CFAP161: variants seen among roughly 807,000 people sequenced by gnomAD.
CFAP161 encodes the protein cilia- and flagella-associated protein 161.
Under a neutral mutation model 29.0 loss-of-function variants are expected in CFAP161, and 25 were observed. The ratio of observed to expected loss-of-function variants is 0.86; its 90% CI spans 0.63 to 1.20. The LOEUF (loss-of-function observed/expected upper bound fraction) is 1.20, where lower values mean the gene tolerates loss of function less well. Among genes scored for constraint, CFAP161 ranks in the 50% most tolerant of loss-of-function variants. The pLI, the probability that CFAP161 is intolerant of heterozygous loss-of-function variation, is 0.00. For missense variants in CFAP161, 367 were observed against 371.9 expected (o/e 0.99, Z 0.11); for synonymous variants, 116 against 137.4 (o/e 0.84, Z 1.09).
At chr15:81,106,427 C>G (rs182337244) in intron 1 of CFAP161, among the ~76,000 whole-genome samples, 154 of 152,286 alleles carry the variant, frequency 1.0e-3, no homozygotes, top group Non-Finnish European at 1.4e-3. Flanking sequence ...ACCTCGGCCT[C>G]CCAAAGTGCT....
At chr15:81,106,449 C>T (rs187048361) in intron 1 of CFAP161, among the ~76,000 whole-genome samples, 2 of 152,252 alleles carry the variant, frequency 1.3e-5, no homozygotes, top group African/African-American at 4.8e-5. Context: ...GGATTACAGG[C>T]ATGAGCCACC....
chr15:81,140,746 A>T (rs562673901), intron 4 of CFAP161, among the ~76,000 whole-genome samples: 165 of 151,508 alleles, frequency 1.1e-3, no homozygotes, highest in African/African-American at 3.8e-3. Context: ...TTTATTTATT[A>T]TTTATTTATT....
At chr15:81,105,163 T>TCCGTC (rs1246992229) in intron 1 of CFAP161, among the ~76,000 whole-genome samples, 3 of 33,140 alleles carry the variant, frequency 9.1e-5, no homozygotes, top group Admixed American at 3.7e-4. Flanking sequence ...CTCCCTCCCT[T>TCCGTC]CCTTCCTCCC....
At chr15:81,124,083 G>A (rs1477387633) in intron 1 of CFAP161, among the ~76,000 whole-genome samples, 6 of 152,148 alleles carry the variant, frequency 3.9e-5, no homozygotes, top group Non-Finnish European at 5.9e-5. Flanking sequence ...ATGTTGAATA[G>A]CAGTGGTGAG....
intron 1 of CFAP161, among the ~76,000 whole-genome samples, chr15:81,122,302 A>G (rs1339106169): frequency 6.6e-6 from 1 of 152,118 alleles, no homozygotes; most frequent in Non-Finnish European, 1.5e-5. Context: ...GCCTTCTACA[A>G]TGGTTGAACT....
At chr15:81,135,986 G>C (rs903231549) in intron 2 of CFAP161, among the ~76,000 whole-genome samples, 1 of 152,208 alleles carries the variant, frequency 6.6e-6, no homozygotes, top group Admixed American at 6.5e-5. Flanking sequence ...TATGTTTATT[G>C]AGACCGGTAA....
chr15:81,136,851 T>G (rs1022016956), intron 3 of CFAP161, 103 bp downstream of exon 3: 1 of 939,830 alleles, frequency 1.1e-6, no homozygotes, highest in Admixed American at 2.7e-5. Flanking sequence ...GGAAAGGTTT[T>G]GTGAACATTT....
intron 1 of CFAP161, among the ~76,000 whole-genome samples, chr15:81,104,677 A>G (rs1894340527): frequency 6.6e-6 from 1 of 152,188 alleles, no homozygotes; most frequent in African/African-American, 2.4e-5. Context: ...AGTTATTCCA[A>G]TCTGAAAGTG....
At position 81,143,834 on chromosome 15, in the gene CFAP161, C is replaced by T. The variant is rs376758712; in HGVS notation, c.636+14C>T. On this transcript the variant is annotated intron_variant, in intron 5 of 6. Coordinates refer to ENST00000286732, the MANE Select transcript of CFAP161 (RefSeq NM_173528.4). Reference sequence around the variant, plus strand: ...TTCCCCGTCCCGGTGAGTGCAGCATCGGGAAGACATGGGTGTCTAGGCTAT... The same window carrying T: ...TTCCCCGTCCCGGTGAGTGCAGCATTGGGAAGACATGGGTGTCTAGGCTAT... 4.2e-5 allele frequency: 68 copies of T among 1,609,084 alleles called. No homozygotes were observed. Among genetic ancestry groups the T allele is most frequent in the Middle Eastern group, 3.3e-4 (2 of 5,990 alleles).
At chr15:81,132,513 T>C (rs1894725347), upstream of CFAP161, among the ~76,000 whole-genome samples, 1 of 152,134 alleles carries the variant, frequency 6.6e-6, no homozygotes, top group East Asian at 1.9e-4. Flanking sequence ...AAAAATACCA[T>C]AGAGCACCAA....
chr15:81,101,659 G>A (rs535017451), intron 1 of CFAP161, among the ~76,000 whole-genome samples: 2 of 151,112 alleles, frequency 1.3e-5, no homozygotes, highest in Admixed American at 6.6e-5. Context: ...GCTCTTTGCC[G>A]ACCAGCATGG....
At chr15:81,126,791 G>A (rs1451735460) in intron 1 of CFAP161, among the ~76,000 whole-genome samples, 2 of 152,078 alleles carry the variant, frequency 1.3e-5, no homozygotes, top group South Asian at 2.1e-4. Context: ...TGGTTAGCAC[G>A]GAACTATTGG....
chr15:81,126,411 G>A lies in CFAP161; in HGVS notation c.-141-1179G>A, dbSNP rs1376195576. ...AATATTTACATTTTATCTAGGATTG[G>A]CTGAATTGTATAAGAAAAATGAAAT... On this transcript the variant is annotated intron_variant, in intron 1 of 4. Transcript: ENST00000560091. Among the ~76,000 whole-genome samples the A allele has an allele frequency of 2.0e-5, 3 of 152,028 alleles. No individual in the cohort carries two copies. The East Asian group carries it at 5.8e-4, about 29-fold the overall frequency.
intron 1 of CFAP161, among the ~76,000 whole-genome samples, chr15:81,110,534 C>A (rs1894426937): frequency 6.6e-6 from 1 of 152,132 alleles, no homozygotes; most frequent in African/African-American, 2.4e-5. Context: ...TGGGAAACTT[C>A]ATTTCTTTTC....
upstream of CFAP161, among the ~76,000 whole-genome samples, chr15:81,130,207 ACC>A (rs1894692024): frequency 6.6e-6 from 1 of 152,138 alleles, no homozygotes; most frequent in Non-Finnish European, 1.5e-5. Context: ...TTTTATCTAG[ACC>A]AGTAAAACTT....
intron 1 of CFAP161, among the ~76,000 whole-genome samples, chr15:81,123,368 G>A (rs974884830): frequency 6.6e-6 from 1 of 152,136 alleles, no homozygotes; most frequent in African/African-American, 2.4e-5. Flanking sequence ...TCTTATTTCT[G>A]GGTTCTCTCT....
intron 1 of CFAP161, among the ~76,000 whole-genome samples, chr15:81,122,385 G>T (rs973228487): frequency 6.6e-6 from 1 of 151,810 alleles, no homozygotes; most frequent in African/African-American, 2.4e-5. Flanking sequence ...GCTATTTTTT[G>T]ACTTTTTAGT....
At chr15:81,146,609 A>AAT (rs1256828961) in intron 5 of CFAP161, among the ~76,000 whole-genome samples, 2 of 151,558 alleles carry the variant, frequency 1.3e-5, no homozygotes, top group African/African-American at 2.4e-5. Context: ...TGTGTGTATA[A>AAT]ATATATATAC....
At chr15:81,137,664 C>T (rs1171991836) in intron 3 of CFAP161, among the ~76,000 whole-genome samples, 1 of 152,206 alleles carries the variant, frequency 6.6e-6, no homozygotes, top group Non-Finnish European at 1.5e-5. Context: ...TTGATCACAA[C>T]CTCTGTTATC....
Sources: gnomAD v4.1 joint callset for allele counts (sites outside exome capture counted in the v4.1 genomes callset) on GRCh38, gnomAD v4.1.1 for gene constraint, MANE v1.5 for transcripts, NCBI Gene and HGNC (gene_info 2026-07-23, HGNC 2026-07-21) for gene names.